Variants in SUMF1 observed in about 807,000 individuals in gnomAD.
The protein encoded by SUMF1 is formylglycine-generating enzyme.
In SUMF1, 48 loss-of-function variants were observed where a neutral mutation model predicts 47.6. That is an observed-to-expected ratio of 1.01 (90% CI 0.80 to 1.28). The LOEUF is 1.28. Ranked by LOEUF, SUMF1 falls within the 50% of genes most tolerant of loss-of-function variation. The pLI is 0.00. For missense variants in SUMF1, 571 were observed against 485.4 expected (o/e 1.18, Z -1.66); for synonymous variants, 230 against 192.1 (o/e 1.20, Z -1.63).
chr3:4,038,110 C>T lies in SUMF1; in HGVS notation c.1191+30459G>A, dbSNP rs891449004. On this transcript the variant is annotated intron_variant and NMD_transcript_variant, in intron 9 of 12. Transcript: ENST00000448413. ...TTGACATTCCTGGGCTGCCCACCAC[C>T]GCTGCAGGGTGATCTTCAGGTTTAT... Among the ~76,000 whole-genome samples, 7 of 152,124 alleles carry T rather than the reference C, an allele frequency of 4.6e-5. No individual in the cohort carries two copies. The South Asian group carries it at 6.2e-4, about 14-fold the overall frequency.
At position 4,145,170 on chromosome 3, in the gene SUMF1, G is replaced by A. The variant is rs1424990179; in HGVS notation, c.1015-76425C>T. On this transcript the variant is annotated intron_variant and NMD_transcript_variant, in intron 8 of 12. Transcript: ENST00000448413. ...ATCGCGCCACTGCACTCTAGCCTGG[G>A]CAACAGAGTGAAACTCCGTCTAAAA... Among the ~76,000 whole-genome samples the A allele has an allele frequency of 2.2e-5, 3 of 136,994 alleles. No homozygotes were observed. In the East Asian group the frequency reaches 6.3e-4, roughly 29 times the overall value. The allele number at this position is 136,994 out of a possible 152,430, so 89.9% of individuals were successfully genotyped here.
chr3:4,103,346 T>A (rs777294677), intron 8 of SUMF1, among the ~76,000 whole-genome samples: 22 of 152,096 alleles, frequency 1.4e-4, no homozygotes, highest in Admixed American at 1.3e-4. Context: ...ATTAGATGAA[T>A]TATAACCACA....
chr3:4,253,247 TA>T (rs936172807), intron 8 of SUMF1, among the ~76,000 whole-genome samples: 38 of 152,060 alleles, frequency 2.5e-4, no homozygotes, highest in Admixed American at 1.5e-3. Context: ...AAAATGGAAA[TA>T]GGGGGAGGAG....
At chr3:4,053,468 C>T (rs898439863) in intron 9 of SUMF1, among the ~76,000 whole-genome samples, 35 of 152,130 alleles carry the variant, frequency 2.3e-4, no homozygotes, top group African/African-American at 5.8e-4. Context: ...CCTTGCTTTA[C>T]GCAAGGTTGC....
chr3:4,316,769 G>A, intron 8 of SUMF1: 2 of 1,550,736 alleles, frequency 1.3e-6, no homozygotes, highest in African/African-American at 2.7e-5. Flanking sequence ...AGCCAATCTT[G>A]CACCCAAAAA....
intron 8 of SUMF1, among the ~76,000 whole-genome samples, chr3:4,145,086 C>G (rs1004813544): frequency 6.6e-6 from 1 of 150,962 alleles, no homozygotes; most frequent in Admixed American, 6.7e-5. Context: ...GTAGTCCCAG[C>G]TACTCAGGAG....
chr3:4,392,273 A>T (rs929205947), intron 7 of SUMF1, among the ~76,000 whole-genome samples: 2 of 151,984 alleles, frequency 1.3e-5, no homozygotes, highest in Non-Finnish European at 2.9e-5. Flanking sequence ...TTCTTTTTTT[A>T]AAATTTCTAT....
intron 7 of SUMF1, among the ~76,000 whole-genome samples, chr3:4,387,361 A>G (rs1244129246): frequency 6.6e-6 from 1 of 152,010 alleles, no homozygotes; most frequent in Non-Finnish European, 1.5e-5. Flanking sequence ...TTCTCGCCTA[A>G]GTTGTCACAT....
At chr3:4,253,899 C>T (rs1362188468) in intron 8 of SUMF1, among the ~76,000 whole-genome samples, 6 of 150,150 alleles carry the variant, frequency 4.0e-5, no homozygotes, top group South Asian at 2.2e-4. Flanking sequence ...GTTCTCCCAG[C>T]ACGCAGCTGG....
chr3:4,454,283 C>T (rs1251174134), intron 1 of SUMF1, among the ~76,000 whole-genome samples: 1 of 152,192 alleles, frequency 6.6e-6, no homozygotes, highest in Non-Finnish European at 1.5e-5. Flanking sequence ...ACACTGAGCA[C>T]AGGATCTGAG....
chr3:4,243,256 A>C (rs1696585735), intron 8 of SUMF1, among the ~76,000 whole-genome samples: 1 of 151,454 alleles, frequency 6.6e-6, no homozygotes, highest in African/African-American at 2.4e-5. Context: ...TTGGGTCTCT[A>C]CCTCCTTCAG....
At position 4,144,409 on chromosome 3, in the gene SUMF1, G is replaced by A. The variant is rs144642903; in HGVS notation, c.1015-75664C>T. 3.3e-3 allele frequency among the ~76,000 whole-genome samples: 495 copies of A among 152,224 alleles called. 3 individuals are homozygous for A. The highest frequency in any genetic ancestry group is 5.8e-3 in the Non-Finnish European group (392 of 68,012). Reference sequence around the variant, plus strand: ...AAGGTGGAGGAAGGCAGAAAACAATGTGAAGCATGGGAGCTTTGGACTCTG... The same window carrying A: ...AAGGTGGAGGAAGGCAGAAAACAATATGAAGCATGGGAGCTTTGGACTCTG... On this transcript the variant is annotated intron_variant and NMD_transcript_variant, in intron 8 of 12. Coordinates refer to the SUMF1 transcript ENST00000448413.
chr3:4,384,180 T>C (rs1157933351), intron 7 of SUMF1, among the ~76,000 whole-genome samples: 1 of 152,244 alleles, frequency 6.6e-6, no homozygotes, highest in East Asian at 1.9e-4. Context: ...TTAGTATTTC[T>C]TAGTATGGCA....
chr3:4,379,776 A>G (rs1700442751), intron 7 of SUMF1, among the ~76,000 whole-genome samples: 1 of 130,510 alleles, frequency 7.7e-6, no homozygotes, highest in Non-Finnish European at 1.6e-5. Flanking sequence ...CGCGAGGCGG[A>G]GGTTGCAGTG....
intron 8 of SUMF1, among the ~76,000 whole-genome samples, chr3:4,246,123 G>C (rs756816937): frequency 6.6e-6 from 1 of 152,154 alleles, no homozygotes; most frequent in Admixed American, 6.5e-5. Context: ...GAAAAGTGCC[G>C]TATTTGGGCA....
At chr3:4,456,739 T>TAC (rs377013865) in intron 1 of SUMF1, among the ~76,000 whole-genome samples, 17,313 of 94,480 alleles carry the variant, frequency 0.18, 2,924 homozygotes, top group Non-Finnish European at 0.26. Context: ...TGTGTATATA[T>TAC]ACACACATAT....
At chr3:4,067,149 T>C (rs1695397669) in intron 9 of SUMF1, among the ~76,000 whole-genome samples, 1 of 152,188 alleles carries the variant, frequency 6.6e-6, no homozygotes, top group Admixed American at 6.5e-5. Context: ...ACTAGGACCA[T>C]GACTCTTTTA....
At chr3:4,317,084 C>T in intron 8 of SUMF1, 1 of 1,549,034 alleles carries the variant, frequency 6.5e-7, no homozygotes, top group Non-Finnish European at 8.7e-7. Flanking sequence ...AGCATCTCAA[C>T]AACTTTTTGC....
At chr3:4,442,432 TG>T (rs1445084840) in intron 3 of SUMF1, among the ~76,000 whole-genome samples, 1 of 145,384 alleles carries the variant, frequency 6.9e-6, no homozygotes, top group African/African-American at 2.5e-5. Flanking sequence ...ATTTTTTTTT[TG>T]TATTTTTAGT....
Sources: gnomAD v4.1 joint callset for allele counts (sites outside exome capture counted in the v4.1 genomes callset) on GRCh38, gnomAD v4.1.1 for gene constraint, MANE v1.5 for transcripts, NCBI Gene and HGNC (gene_info 2026-07-23, HGNC 2026-07-21) for gene names.